The following CCDC7 variants were observed in gnomAD, a reference collection of about 807,000 sequenced individuals.
CCDC7 encodes the protein coiled-coil domain containing 7, also known as coiled-coil domain-containing protein 7.
Under a neutral mutation model 196.9 loss-of-function variants are expected in CCDC7, and 183 were observed. That is an observed-to-expected ratio of 0.93 (90% CI 0.82 to 1.05). The LOEUF (loss-of-function observed/expected upper bound fraction) is 1.05, where lower values mean the gene tolerates loss of function less well. CCDC7 is among the 50% of genes least tolerant of loss of function. CCDC7 has a pLI of 0.00. For synonymous variants in CCDC7, 525 were observed against 484.6 expected (o/e 1.08, Z -1.10); for missense variants, 1,540 against 1,482.2 (o/e 1.04, Z -0.64).
intron 18 of CCDC7, among the ~76,000 whole-genome samples, chr10:32,610,891 A>T (rs569269743): frequency 7.9e-5 from 12 of 152,330 alleles, no homozygotes; most frequent in Admixed American, 3.3e-4. Context: ...ATATGTGTGC[A>T]TGCGTCTTTA....
At chr10:32,550,579 C>T (rs1289186221) in intron 13 of CCDC7, among the ~76,000 whole-genome samples, 1 of 151,988 alleles carries the variant, frequency 6.6e-6, no homozygotes. Context: ...TGGTATGTCC[C>T]TTGTATGCCG....
exon 17 of CCDC7, chr10:32,583,134 G>T: frequency 1.6e-6 from 2 of 1,231,448 alleles, no homozygotes; most frequent in Non-Finnish European, 1.0e-6. Context: ...TGAAGTTTCA[G>T]TTGCTGAAAA....
At position 32,713,197 on chromosome 10, in the gene CCDC7, C is replaced by T. The variant is rs79533661; in HGVS notation, c.2569+1467C>T. Reference sequence around the variant, plus strand: ...TATAGTGGCCCAAAGGGATCTACCCCATAGTTGGTTTAGAAAGAGGTCCTG... The same window carrying T: ...TATAGTGGCCCAAAGGGATCTACCCTATAGTTGGTTTAGAAAGAGGTCCTG... On this transcript the variant is annotated intron_variant, in intron 25 of 41. Transcript: ENST00000639629. 5.6e-4 allele frequency among the ~76,000 whole-genome samples: 85 copies of T among 152,342 alleles called. 2 individuals are homozygous for T. In the East Asian group the frequency reaches 0.014, roughly 25 times the overall value.
At chr10:32,784,733 G>A (rs1010817174) in intron 29 of CCDC7, among the ~76,000 whole-genome samples, 2 of 152,206 alleles carry the variant, frequency 1.3e-5, no homozygotes, top group South Asian at 2.1e-4. Flanking sequence ...TGGGCGCCGT[G>A]ACTCGTGCCT....
intron 24 of CCDC7, 70 bp downstream of exon 25, chr10:32,695,062 C>A (rs2077538301): frequency 1.3e-6 from 1 of 775,418 alleles, no homozygotes; most frequent in African/African-American, 1.8e-5. Flanking sequence ...TTCTTTGGTT[C>A]ATGACTATGT....
chr10:32,721,579 T>G (rs1329578913), intron 25 of CCDC7, among the ~76,000 whole-genome samples: 1 of 152,126 alleles, frequency 6.6e-6, no homozygotes, highest in Non-Finnish European at 1.5e-5. Context: ...TACTAGTAGC[T>G]GAATAGTCCC....
At chr10:32,881,039 A>C (rs1003700807), downstream of CCDC7, among the ~76,000 whole-genome samples, 2 of 152,202 alleles carry the variant, frequency 1.3e-5, no homozygotes, top group African/African-American at 4.8e-5. Flanking sequence ...TTGATGCCAC[A>C]GTACTTTTTT....
chr10:32,445,691 T>C (rs2030766653), upstream of CCDC7, among the ~76,000 whole-genome samples: 1 of 152,204 alleles, frequency 6.6e-6, no homozygotes, highest in African/African-American at 2.4e-5. Flanking sequence ...CTGCTTCAAG[T>C]TAATTCCTAG....
intron 20 of CCDC7, among the ~76,000 whole-genome samples, chr10:32,660,552 TC>T (rs2071113757): frequency 7.3e-6 from 1 of 136,288 alleles, no homozygotes; most frequent in African/African-American, 2.8e-5. Flanking sequence ...TGGTTCCAAG[TC>T]TTTGCTATTG....
chr10:32,830,550 T>C (rs773723493), intron 32 of CCDC7, among the ~76,000 whole-genome samples: 2 of 152,112 alleles, frequency 1.3e-5, no homozygotes, highest in Non-Finnish European at 2.9e-5. Flanking sequence ...AAGGAAGATA[T>C]GATGAGAATG....
chr10:32,552,761 G>T (rs989881422), intron 13 of CCDC7, among the ~76,000 whole-genome samples: 6 of 152,180 alleles, frequency 3.9e-5, no homozygotes, highest in Non-Finnish European at 8.8e-5. Flanking sequence ...ATCCCTTCTA[G>T]CTTGTAGAGT....
chr10:32,664,084 T>C (rs889452776), exon 21 of CCDC7: 1 of 396,734 alleles, frequency 2.5e-6, no homozygotes. Flanking sequence ...GAAAATCTTA[T>C]GCTTGAACAA....
intron 11 of CCDC7, among the ~76,000 whole-genome samples, chr10:32,534,675 A>G (rs1287755454): frequency 1.3e-5 from 2 of 151,984 alleles, no homozygotes; most frequent in Non-Finnish European, 2.9e-5. Flanking sequence ...GGAGGTCCCA[A>G]AAGGTTTATC....
chr10:32,508,192 A>G (rs2045516968), intron 9 of CCDC7, among the ~76,000 whole-genome samples: 1 of 152,226 alleles, frequency 6.6e-6, no homozygotes, highest in South Asian at 2.1e-4. Context: ...CTTAGAACTA[A>G]TAAATGTATT....
chr10:32,840,385 T>C (rs748710945), intron 33 of CCDC7, among the ~76,000 whole-genome samples: 12 of 151,972 alleles, frequency 7.9e-5, no homozygotes, highest in Non-Finnish European at 1.5e-4. Flanking sequence ...TTTACCCATA[T>C]AAACTAGAAA....
At chr10:32,622,752 C>T (rs1297193032) in intron 18 of CCDC7, among the ~76,000 whole-genome samples, 1 of 151,966 alleles carries the variant, frequency 6.6e-6, no homozygotes, top group African/African-American at 2.4e-5. Context: ...CTAAATGTCC[C>T]CTGGGGGAAA....
chr10:32,501,328 C>T (rs1398593053), intron 9 of CCDC7, among the ~76,000 whole-genome samples: 1 of 152,060 alleles, frequency 6.6e-6, no homozygotes, highest in Non-Finnish European at 1.5e-5. Flanking sequence ...TTAGAACATG[C>T]TCCTTTAGCT....
chr10:32,476,923 T>C (rs2039078927), intron 8 of CCDC7, among the ~76,000 whole-genome samples: 1 of 152,354 alleles, frequency 6.6e-6, no homozygotes, highest in East Asian at 1.9e-4. Flanking sequence ...TATTGTTGAG[T>C]TTTAAGAGTT....
chr10:32,618,880 G>A (rs1233549539), intron 18 of CCDC7, among the ~76,000 whole-genome samples: 12 of 152,042 alleles, frequency 7.9e-5, no homozygotes, highest in Admixed American at 7.2e-4. Flanking sequence ...TACCAACAAT[G>A]CATAAGTTCT....
Sources: gnomAD v4.1 joint callset for allele counts (sites outside exome capture counted in the v4.1 genomes callset) on GRCh38, gnomAD v4.1.1 for gene constraint, MANE v1.5 for transcripts, NCBI Gene and HGNC (gene_info 2026-07-23, HGNC 2026-07-21) for gene names.